Variants in CSMD3 observed in about 807,000 individuals in gnomAD.
CSMD3 encodes CUB and sushi domain-containing protein 3.
CSMD3 carries 177 observed loss-of-function variants against 435.2 expected under a neutral mutation model. The observed-to-expected ratio is 0.41, with a 90% CI of 0.36 to 0.46. The LOEUF (loss-of-function observed/expected upper bound fraction) is 0.46. Among genes scored for constraint, CSMD3 ranks in the 20% least tolerant of loss-of-function variants. The pLI, the probability that CSMD3 is intolerant of heterozygous loss-of-function variation, is 0.34. For synonymous variants in CSMD3, 1,656 were observed against 1,520.5 expected, an observed-to-expected ratio of 1.09 and a Z score of -2.07; for missense variants, 4,265 against 4,504.6, an observed-to-expected ratio of 0.95 and a Z score of 1.52.
intron 12 of CSMD3, among the ~76,000 whole-genome samples, chr8:112,819,046 T>C (rs1300993016): frequency 6.6e-6 from 1 of 152,196 alleles, no homozygotes; most frequent in Non-Finnish European, 1.5e-5. Flanking sequence ...AGGTATGTGG[T>C]ACCCGGAATT....
rs369646721 is a variant in CSMD3 at position 112,291,503 on chromosome 8, T to C, written c.8974+7A>G. 8.3e-6 allele frequency: 13 copies of C among 1,575,486 alleles called. No individual in the cohort carries two copies. The highest frequency in any genetic ancestry group is 2.7e-5 in the African/African-American group (2 of 74,026). On this transcript the variant is annotated splice_region_variant and intron_variant, in intron 56 of 70. Transcript: ENST00000297405. ...TTCTCAAGAAACAATTCACATTATC[T>C]ACTTACTGATACATTCTGGTAAAGG...
chr8:113,391,523 T>C (rs4593574), intron 1 of CSMD3, among the ~76,000 whole-genome samples: 114,870 of 151,848 alleles, frequency 0.76, 43,786 homozygotes, highest in East Asian at 0.94. Flanking sequence ...TAAGAAATTA[T>C]GGAAAGTTAT....
intron 1 of CSMD3, among the ~76,000 whole-genome samples, chr8:113,334,231 T>G (rs2094050940): frequency 6.6e-6 from 1 of 151,498 alleles, no homozygotes; most frequent in African/African-American, 2.4e-5. Flanking sequence ...AGGGGGTACA[T>G]GTACTGTATA....
At chr8:112,818,400 T>C (rs1362868212) in intron 12 of CSMD3, among the ~76,000 whole-genome samples, 2 of 152,122 alleles carry the variant, frequency 1.3e-5, no homozygotes, top group African/African-American at 2.4e-5. Flanking sequence ...AGCTATTCAA[T>C]CTTTTTAAAT....
chr8:112,228,726 C>G (rs570677446), intron 70 of CSMD3, 30 bp downstream of exon 70: 4 of 1,586,976 alleles, frequency 2.5e-6, no homozygotes, highest in Non-Finnish European at 3.5e-6. Flanking sequence ...ATTTGGGAAA[C>G]ATTTTGTAGT....
At chr8:112,361,660 G>T (rs1296802675) in intron 38 of CSMD3, among the ~76,000 whole-genome samples, 2 of 132,856 alleles carry the variant, frequency 1.5e-5, no homozygotes, top group African/African-American at 5.5e-5. Context: ...AGTGATTAAC[G>T]CATTGAGATA....
At chr8:113,005,979 T>G (rs766283574) in intron 6 of CSMD3, among the ~76,000 whole-genome samples, 3 of 152,062 alleles carry the variant, frequency 2.0e-5, no homozygotes, top group Non-Finnish European at 4.4e-5. Flanking sequence ...GCTAGCCACT[T>G]AAACAACAGT....
At chr8:112,736,355 A>G (rs1157115982) in intron 13 of CSMD3, among the ~76,000 whole-genome samples, 1 of 152,012 alleles carries the variant, frequency 6.6e-6, no homozygotes, top group Non-Finnish European at 1.5e-5. Context: ...CATGTTATCT[A>G]GGTTTAATCA....
intron 1 of CSMD3, among the ~76,000 whole-genome samples, chr8:113,334,432 C>CT (rs58046458): frequency 1 from 151,999 of 152,004 alleles, 75,997 homozygotes; most frequent in Non-Finnish European, 1. Flanking sequence ...GCAATAGGCC[C>CT]ACTTGGTCAT....
chr8:112,552,715 A>G lies in CSMD3; in HGVS notation c.4240T>C (p.Cys1414Arg), dbSNP rs2131202635. ...GATTCTCCTTTAAAACGACCTCCAC[A>G]TTCAGCTGATAAAAAATAATAGAAA... ...DYPLPSCIAE[C>R]GGRFKGESSG... The change falls in exon 26 of 71, where the codon TGT becomes CGT. Residue 1414 changes from cysteine to arginine, a missense_variant. Physicochemically the swap from Cys to Arg is radical, Grantham distance 180. This residue lies in a region of CSMD3 where 3,255 missense variants were observed against 3,380.2 expected (regional missense o/e 0.96). Coordinates refer to ENST00000297405, the MANE Select transcript of CSMD3 (RefSeq NM_198123.2). The G allele has an allele frequency of 6.2e-7, 1 of 1,611,216 alleles. No homozygotes were observed. The highest frequency in any genetic ancestry group is 1.1e-5 in the South Asian group (1 of 91,042).
At chr8:112,417,902 A>T (rs2130231201) in intron 32 of CSMD3, among the ~76,000 whole-genome samples, 1 of 152,320 alleles carries the variant, frequency 6.6e-6, no homozygotes. Flanking sequence ...AATTCCTATT[A>T]GATCTATGTT....
intron 38 of CSMD3, among the ~76,000 whole-genome samples, chr8:112,355,456 C>T (rs549044597): frequency 1.1e-4 from 17 of 152,254 alleles, no homozygotes; most frequent in Admixed American, 3.3e-4. Context: ...AGAAAATGTT[C>T]GTAAGCTATG....
chr8:112,388,588 A>C (rs1279969661), intron 36 of CSMD3, among the ~76,000 whole-genome samples: 2 of 152,144 alleles, frequency 1.3e-5, no homozygotes, highest in African/African-American at 4.8e-5. Flanking sequence ...TTTTGAGAAA[A>C]TTCTATGAAG....
intron 1 of CSMD3, among the ~76,000 whole-genome samples, chr8:113,361,391 A>C (rs2094275163): frequency 6.6e-6 from 1 of 152,180 alleles, no homozygotes; most frequent in Admixed American, 6.5e-5. Flanking sequence ...ATGTCGATGG[A>C]AAAAGACATT....
At chr8:112,278,733 A>G (rs1818329250) in intron 59 of CSMD3, among the ~76,000 whole-genome samples, 1 of 152,092 alleles carries the variant, frequency 6.6e-6, no homozygotes, top group Non-Finnish European at 1.5e-5. Flanking sequence ...GGTATCTAAA[A>G]CAACCTTCGT....
chr8:112,252,625 A>C (rs548069305), intron 63 of CSMD3, among the ~76,000 whole-genome samples: 5 of 150,614 alleles, frequency 3.3e-5, no homozygotes, highest in South Asian at 4.2e-4. Context: ...TTATATAACT[A>C]TTTATTGTGT....
intron 22 of CSMD3, among the ~76,000 whole-genome samples, chr8:112,600,677 T>G (rs1204517112): frequency 6.6e-6 from 1 of 152,122 alleles, no homozygotes; most frequent in Non-Finnish European, 1.5e-5. Flanking sequence ...TCTCATGATT[T>G]TTTTTTCTTT....
chr8:112,871,453 A>T (rs1166991304), intron 10 of CSMD3, among the ~76,000 whole-genome samples: 2 of 152,190 alleles, frequency 1.3e-5, no homozygotes, highest in Non-Finnish European at 2.9e-5. Flanking sequence ...TATGCTGTAA[A>T]AAACGGTTAA....
At position 113,288,414 on chromosome 8, in the gene CSMD3, A is replaced by G. The variant is rs894630513; in HGVS notation, c.402-9710T>C. Among the ~76,000 whole-genome samples, 3 of 151,834 alleles carry G rather than the reference A, an allele frequency of 2.0e-5. 1 individual carries two copies. The South Asian group carries it at 6.2e-4, about 31-fold the overall frequency. On this transcript the variant is annotated intron_variant, in intron 2 of 70. Coordinates refer to ENST00000297405, the MANE Select transcript of CSMD3 (RefSeq NM_198123.2). ...TCTTCAGGATCAACATTTTCTCCAG[A>G]CCCATGAAATACACTACTAAAAATT...
Sources: gnomAD v4.1 joint callset for allele counts (sites outside exome capture counted in the v4.1 genomes callset) on GRCh38, gnomAD v4.1.1 for gene constraint, gnomAD v4.1.1 regional missense constraint, MANE v1.5 for transcripts, NCBI Gene and HGNC (gene_info 2026-07-23, HGNC 2026-07-21) for gene names.